The following PARVB variants were observed in gnomAD, a reference collection of about 807,000 sequenced individuals.
The protein encoded by PARVB is parvin beta.
PARVB carries 46 observed loss-of-function variants against 47.0 expected under a neutral mutation model. The observed-to-expected ratio is 0.98, with a 90% CI of 0.77 to 1.25. The LOEUF (loss-of-function observed/expected upper bound fraction) is 1.25, where lower values mean the gene tolerates loss of function less well. Among genes scored for constraint, PARVB ranks in the 50% most tolerant of loss-of-function variants. The pLI, the probability that PARVB is intolerant of heterozygous loss-of-function variation, is 0.00. For synonymous variants in PARVB, 196 were observed against 196.3 expected (o/e 1.00, Z 0.01); for missense variants, 473 against 471.6 (o/e 1.00, Z -0.03).
intron 12 of PARVB, among the ~76,000 whole-genome samples, chr22:44,166,570 G>C (rs2054173157): frequency 1.3e-5 from 2 of 152,362 alleles, no homozygotes; most frequent in South Asian, 4.1e-4. Context: ...CGGACGTGTG[G>C]AAACCAGGCC....
At chr22:44,110,691 C>G (rs1383557845) in intron 3 of PARVB, 1 of 152,072 alleles carries the variant, frequency 6.6e-6, no homozygotes, top group Non-Finnish European at 1.5e-5. Context: ...CCTCTGCCTC[C>G]CAGGTTCCAG....
chr22:44,071,855 A>G (rs1246013898), intron 1 of PARVB, among the ~76,000 whole-genome samples: 3 of 152,344 alleles, frequency 2.0e-5, no homozygotes, highest in Admixed American at 6.5e-5. Flanking sequence ...GGGGTAACCC[A>G]TACCCTGATT....
In PARVB at chr22:44,089,364, C is replaced by T. The variant is rs1316000282; in HGVS notation, c.113-4564C>T. The T allele has an allele frequency of 1.3e-5, 2 of 152,432 alleles. No homozygotes were observed. Among genetic ancestry groups the T allele is most frequent in the African/African-American group, 2.4e-5 (1 of 41,464 alleles). 9.4% of individuals were successfully genotyped at this position (152,432 alleles called of 1,614,324 possible). On this transcript the variant is annotated intron_variant, in intron 1 of 12. Coordinates refer to ENST00000338758, the MANE Select transcript of PARVB (RefSeq NM_013327.5). This position sits in a 1 kb window ranked among gnomAD's most constrained non-coding sequence, Gnocchi z 4.0. Reference sequence around the variant, plus strand: ...ATCTCATGAAATCAAGCCCCAGTCCCTTGGAAGCTCACACCCTCCACACCC... The same window carrying T: ...ATCTCATGAAATCAAGCCCCAGTCCTTTGGAAGCTCACACCCTCCACACCC...
At chr22:44,137,592 C>T (rs1355202325) in intron 7 of PARVB, among the ~76,000 whole-genome samples, 2 of 152,174 alleles carry the variant, frequency 1.3e-5, no homozygotes, top group Non-Finnish European at 2.9e-5. Flanking sequence ...AGGCTGGGCT[C>T]AGCTGGGCGG....
chr22:44,001,264 A>G (rs8141994), intron 2 of PARVB, among the ~76,000 whole-genome samples: 7,649 of 152,262 alleles, frequency 0.05, 229 homozygotes, highest in Middle Eastern at 0.092. Context: ...AAATCAATCA[A>G]TCAATCAATA....
At position 44,060,040 on chromosome 22, in the gene PARVB, C is replaced by A. The variant is rs138830717; in HGVS notation, c.113-33888C>A. 3.7e-3 allele frequency among the ~76,000 whole-genome samples: 566 copies of A among 152,148 alleles called. 2 individuals carry two copies. Among genetic ancestry groups the A allele is most frequent in the Middle Eastern group, 0.014 (4 of 294 alleles). On this transcript the variant is annotated intron_variant, in intron 1 of 12. Transcript: ENST00000338758. ...TTAGAATTTCATGGCTGAGACCAGG[C>A]GTGGGGGCTCATGTCTGTCATCCTA...
chr22:44,142,777 TTG>T (rs2053583317), intron 8 of PARVB: 1 of 152,238 alleles, frequency 6.6e-6, no homozygotes, highest in Non-Finnish European at 1.5e-5. Flanking sequence ...TCTCGTTACT[TTG>T]TAGGCTTTAT....
intron 1 of PARVB, chr22:44,040,070 A>T: frequency 3.9e-6 from 1 of 256,720 alleles, no homozygotes; most frequent in South Asian, 3.5e-5. Context: ...GGGGAGGAGC[A>T]GGAGGGATTT....
chr22:43,999,754 G>T (rs1445165701), intron 2 of PARVB: 2 of 922,518 alleles, frequency 2.2e-6, no homozygotes, highest in African/African-American at 3.3e-5. Flanking sequence ...AGCACTTTGG[G>T]AGGCTGAGGA....
intron 2 of PARVB, among the ~76,000 whole-genome samples, chr22:44,019,062 G>A (rs971460505): frequency 3.4e-5 from 5 of 148,638 alleles, no homozygotes; most frequent in East Asian, 2.0e-4. Flanking sequence ...GATTATAGGC[G>A]CCTGCCACCA....
chr22:44,043,244 G>A (rs1326297118), intron 1 of PARVB, among the ~76,000 whole-genome samples: 1 of 152,304 alleles, frequency 6.6e-6, no homozygotes, highest in East Asian at 1.9e-4. Flanking sequence ...CCCAAAGCCT[G>A]GGGAAGGTAC....
chr22:44,090,159 G>C (rs1335788850), intron 1 of PARVB, among the ~76,000 whole-genome samples: 1 of 152,208 alleles, frequency 6.6e-6, no homozygotes, highest in Non-Finnish European at 1.5e-5. Context: ...CCATGTTACA[G>C]ATGGGGAAAC....
intron 10 of PARVB, 108 bp downstream of exon 10, chr22:44,151,659 C>A: frequency 1.2e-6 from 1 of 840,430 alleles, no homozygotes; most frequent in Non-Finnish European, 2.0e-6. Flanking sequence ...TTGTTCATCT[C>A]ACAAGGAACT....
chr22:44,119,491 C>T (rs1424952917), intron 4 of PARVB, among the ~76,000 whole-genome samples: 2 of 152,180 alleles, frequency 1.3e-5, no homozygotes, highest in Non-Finnish European at 2.9e-5. Flanking sequence ...AGGAGGGAAG[C>T]GGGTCTGCAG....
chr22:44,024,381 G>T lies in PARVB; in HGVS notation c.42G>T (p.Arg14Ser). ...APRSPTPRPR[R>S]MKKDESFLGK... ...GCTCGCCCACCCCGCGGCCCCGCAG[G>T]ATGAAGAAGGACGAGTCGTTCCTGG... Residue 14 changes from arginine to serine, a missense_variant, in exon 1 of 13, where the codon AGG becomes AGT. Arg to Ser is a moderately radical substitution (Grantham distance 110). Coordinates refer to ENST00000338758, the MANE Select transcript of PARVB (RefSeq NM_013327.5). 1.6e-6 allele frequency: 2 copies of T among 1,237,036 alleles called. No individual in the cohort carries two copies. The highest frequency in any genetic ancestry group is 2.1e-5 in the South Asian group (1 of 47,310). 76.6% of individuals were successfully genotyped at this position (1,237,036 alleles called of 1,614,324 possible).
chr22:44,117,012 G>C (rs575647566), intron 3 of PARVB, among the ~76,000 whole-genome samples: 1 of 152,270 alleles, frequency 6.6e-6, no homozygotes, highest in Admixed American at 6.5e-5. Flanking sequence ...CAAAGTCCAG[G>C]ATCTGAGACA....
chr22:44,050,630 G>A (rs375979366), intron 1 of PARVB, among the ~76,000 whole-genome samples: 4 of 152,114 alleles, frequency 2.6e-5, no homozygotes, highest in South Asian at 2.1e-4. Flanking sequence ...GAGCCACTGC[G>A]CCTGGCCAGT....
chr22:44,111,160 A>T (rs2052687524), intron 3 of PARVB: 1 of 151,896 alleles, frequency 6.6e-6, no homozygotes, highest in Non-Finnish European at 1.5e-5. Flanking sequence ...ATCTAGGGCC[A>T]CATTTGGACT....
intron 8 of PARVB, chr22:44,147,460 G>C: frequency 2.8e-6 from 1 of 358,946 alleles, no homozygotes. Flanking sequence ...ACCGTCGCGG[G>C]GGAAGTGGTT....
Sources: allele counts gnomAD v4.1 joint callset (sites outside exome capture counted in the v4.1 genomes callset), GRCh38; gene constraint gnomAD v4.1.1; non-coding constraint Gnocchi (gnomAD v3.1); transcripts MANE v1.5; gene names NCBI Gene and HGNC (gene_info 2026-07-23, HGNC 2026-07-21).